Variants in SIPA1L3 observed in about 807,000 individuals in gnomAD.
SIPA1L3 encodes the protein signal-induced proliferation-associated 1-like protein 3.
A neutral mutation model predicts 150.1 loss-of-function variants in SIPA1L3; 59 were observed. That is an observed-to-expected ratio of 0.39 (90% confidence interval 0.32 to 0.49). The LOEUF (loss-of-function observed/expected upper bound fraction) is 0.49, where lower values mean the gene tolerates loss of function less well. Among genes scored for constraint, SIPA1L3 ranks in the 20% least tolerant of loss-of-function variants. SIPA1L3 has a pLI of 0.86. For synonymous variants in SIPA1L3, 1,070 were observed against 1,077.6 expected, an observed-to-expected ratio of 0.99 and a Z score of 0.14; for missense variants, 2,211 against 2,489.5, an observed-to-expected ratio of 0.89 and a Z score of 2.38.
intron 10 of SIPA1L3, among the ~76,000 whole-genome samples, chr19:38,135,499 A>C (rs1328325313): frequency 6.6e-6 from 1 of 152,110 alleles, no homozygotes; most frequent in Non-Finnish European, 1.5e-5. Flanking sequence ...ACCCCTCTCC[A>C]CACACTCCCA....
intron 1 of SIPA1L3, among the ~76,000 whole-genome samples, chr19:37,925,590 C>CTTTTTTTTTTTTT (rs761234489): frequency 9.0e-6 from 1 of 110,790 alleles, no homozygotes; most frequent in Non-Finnish European, 1.9e-5. Context: ...TGATTTATTA[C>CTTTTTTTTTTTTT]TTTTTTTTTT....
chr19:38,203,867 C>G, intron 20 of SIPA1L3: 1 of 481,198 alleles, frequency 2.1e-6, no homozygotes, highest in Non-Finnish European at 3.7e-6. Flanking sequence ...TCAGGGAAAA[C>G]GCACACTTAA....
intron 2 of SIPA1L3, among the ~76,000 whole-genome samples, chr19:38,056,065 G>A (rs1424413942): frequency 6.6e-6 from 1 of 152,228 alleles, no homozygotes; most frequent in Non-Finnish European, 1.5e-5. Context: ...AGTGATGGCT[G>A]CGGCTCTGCG....
At chr19:37,963,361 G>A (rs2046876226) in intron 1 of SIPA1L3, among the ~76,000 whole-genome samples, 1 of 151,788 alleles carries the variant, frequency 6.6e-6, no homozygotes, top group Admixed American at 6.6e-5. Flanking sequence ...ACCTTACCAA[G>A]GCCTTGTGTG....
At chr19:37,986,792 C>A (rs762032606) in intron 1 of SIPA1L3, among the ~76,000 whole-genome samples, 4 of 152,130 alleles carry the variant, frequency 2.6e-5, no homozygotes, top group Non-Finnish European at 5.9e-5. Context: ...TCTTAGCTGC[C>A]TGATGTGCCT....
chr19:38,001,188 T>C (rs1301101712), intron 1 of SIPA1L3, among the ~76,000 whole-genome samples: 1 of 152,020 alleles, frequency 6.6e-6, no homozygotes, highest in East Asian at 1.9e-4. Flanking sequence ...AGCTCTCTGC[T>C]TAATGTTTGA....
rs368559210 is a variant in SIPA1L3 at position 38,082,867 on chromosome 19, C to A, written c.1302C>A (p.Ile434=). ...LLSCPHFRNE[I]GGECERNVSF... is the part of the protein sequence containing the mutation. ...GCTGCCCGCACTTCCGCAATGAGAT[C>A]GGGGGCGAGTGTGAGCGCAACGTGA... Residue 434 remains isoleucine (I), a synonymous_variant, in exon 3 of 22, where the codon ATC becomes ATA. Transcript: ENST00000222345. 6.2e-7 allele frequency: 1 copy of A among 1,613,600 alleles called. No individual in the cohort carries two copies. Among genetic ancestry groups the A allele is most frequent in the Non-Finnish European group, 8.5e-7 (1 of 1,179,918 alleles).
At chr19:38,076,172 CATAA>C (rs1436674735) in intron 2 of SIPA1L3, among the ~76,000 whole-genome samples, 1 of 151,726 alleles carries the variant, frequency 6.6e-6, no homozygotes, top group African/African-American at 2.4e-5. Flanking sequence ...TAAGTAAATA[CATAA>C]ATAAATAAAA....
At position 38,101,037 on chromosome 19, in the gene SIPA1L3, C is replaced by G. The variant is rs1406757793; in HGVS notation, c.1855-15C>G. 1.3e-6 allele frequency: 2 copies of G among 1,531,748 alleles called. No individual in the cohort carries two copies. Among genetic ancestry groups the G allele is most frequent in the African/African-American group, 2.8e-5 (2 of 72,414 alleles). 94.9% of individuals were successfully genotyped at this position (1,531,748 alleles called of 1,614,324 possible). ...TGCCTGGCCTGCCTCCACAAAGCCA[C>G]TCTTGCCTCTGCAGCTCTGCCGGAA... On this transcript the variant is annotated splice_polypyrimidine_tract_variant and intron_variant, in intron 5 of 21. Transcript: ENST00000222345.
Position 38,206,730 on chromosome 19 carries a change from G to T in SIPA1L3, c.*490G>T, listed in dbSNP as rs1973225970. Reference sequence around the variant, plus strand: ...CCCTTTCTTCCCCACACCCAGAGAGGTGAGGCCCGCGTGGACACAGACCAG... The same window carrying T: ...CCCTTTCTTCCCCACACCCAGAGAGTTGAGGCCCGCGTGGACACAGACCAG... On this transcript the variant is annotated 3_prime_UTR_variant, in exon 22 of 22. Transcript: ENST00000222345. The T allele has an allele frequency of 1.3e-5, 2 of 153,234 alleles. No individual in the cohort carries two copies. The highest frequency in any genetic ancestry group is 4.1e-4 in the South Asian group (2 of 4,846). 9.5% of individuals were successfully genotyped at this position (153,234 alleles called of 1,614,324 possible).
intron 2 of SIPA1L3, among the ~76,000 whole-genome samples, chr19:38,050,370 C>T (rs887287853): frequency 1.3e-5 from 2 of 152,030 alleles, no homozygotes; most frequent in African/African-American, 2.4e-5. Flanking sequence ...GCAGGAGAAT[C>T]CCTTGAACCC....
rs113740254 is a variant in SIPA1L3, at chr19:38,086,695, C to G, written c.1535-2026C>G. 7.2e-3 allele frequency among the ~76,000 whole-genome samples: 1,089 copies of G among 152,280 alleles called. 5 individuals are homozygous for G. The highest frequency in any genetic ancestry group is 0.012 in the Non-Finnish European group (839 of 68,024). Reference sequence around the variant, plus strand: ...AATACCCTGTCTCAAAAAACAAAAACTCTTCAATAATATTTGTTAAAGCAC... The same window carrying G: ...AATACCCTGTCTCAAAAAACAAAAAGTCTTCAATAATATTTGTTAAAGCAC... On this transcript the variant is annotated intron_variant, in intron 3 of 21. Coordinates refer to ENST00000222345, the MANE Select transcript of SIPA1L3 (RefSeq NM_015073.3).
chr19:38,145,297 C>T (rs1032477132), intron 12 of SIPA1L3, among the ~76,000 whole-genome samples: 1 of 151,926 alleles, frequency 6.6e-6, no homozygotes, highest in Non-Finnish European at 1.5e-5. Flanking sequence ...TTTGGGAGGC[C>T]GAGATCGGTG....
At chr19:38,099,428 T>A (rs1351095286) in intron 4 of SIPA1L3, among the ~76,000 whole-genome samples, 1 of 152,054 alleles carries the variant, frequency 6.6e-6, no homozygotes, top group Non-Finnish European at 1.5e-5. Flanking sequence ...GGTGGGTGTT[T>A]TACTTGAGCA....
chr19:38,001,784 C>T (rs1320526622), intron 1 of SIPA1L3, among the ~76,000 whole-genome samples: 1 of 152,162 alleles, frequency 6.6e-6, no homozygotes, highest in Admixed American at 6.5e-5. Context: ...GTACATAACA[C>T]AAAATTAACC....
chr19:38,001,938 T>G (rs1967816363), intron 1 of SIPA1L3, among the ~76,000 whole-genome samples: 1 of 152,208 alleles, frequency 6.6e-6, no homozygotes, highest in Non-Finnish European at 1.5e-5. Flanking sequence ...TTTTTATTTG[T>G]CAGTTATACC....
chr19:38,068,622 G>C (rs866540172), intron 2 of SIPA1L3, among the ~76,000 whole-genome samples: 24 of 152,126 alleles, frequency 1.6e-4, no homozygotes, highest in Admixed American at 1.2e-3. Flanking sequence ...CATTTTGGGA[G>C]GCCAAGGCAG....
rs75512486 is a variant in SIPA1L3, at chr19:37,948,687, A to G, written c.-379+41329A>G. ...AGGGCTCAGGACAGGCACGGCCCCC[A>G]CGCTCTTGGAGCTGACATTCTAGAA... is the stretch of plus-strand genomic sequence containing the variant. On this transcript the variant is annotated intron_variant, in intron 1 of 21. Coordinates refer to ENST00000222345, the MANE Select transcript of SIPA1L3 (RefSeq NM_015073.3). 7.0e-3 allele frequency among the ~76,000 whole-genome samples: 1,068 copies of G among 152,270 alleles called. 34 individuals carry two copies. The highest frequency in any genetic ancestry group is 0.069 in the East Asian group (356 of 5,186).
At chr19:38,138,593 G>GCTCT (rs374059533) in intron 10 of SIPA1L3, among the ~76,000 whole-genome samples, 1 of 151,266 alleles carries the variant, frequency 6.6e-6, no homozygotes, top group South Asian at 2.1e-4. Flanking sequence ...CCCTCCCACA[G>GCTCT]GGGGTTTTCG....
Sources: gnomAD v4.1 joint callset for allele counts (sites outside exome capture counted in the v4.1 genomes callset) on GRCh38, gnomAD v4.1.1 for gene constraint, MANE v1.5 for transcripts, NCBI Gene and HGNC (gene_info 2026-07-23, HGNC 2026-07-21) for gene names.